The following PCOLCE2 variants were observed in gnomAD, a reference collection of about 807,000 sequenced individuals.
PCOLCE2 encodes the protein procollagen C-proteinase enhancer 2.
Under a neutral mutation model 47.0 loss-of-function variants are expected in PCOLCE2, and 42 were observed. That is an observed-to-expected ratio of 0.89 (90% CI 0.70 to 1.16). PCOLCE2 has a LOEUF of 1.16. Ranked by LOEUF, PCOLCE2 falls within the 50% of genes most tolerant of loss-of-function variation. The pLI, the probability that PCOLCE2 is intolerant of heterozygous loss-of-function variation, is 0.00. For missense variants in PCOLCE2, 500 were observed against 526.1 expected (o/e 0.95, Z 0.49); for synonymous variants, 169 against 191.7 (o/e 0.88, Z 0.98).
intron 2 of PCOLCE2, among the ~76,000 whole-genome samples, chr3:142,880,100 A>G (rs1057145116): frequency 1.3e-5 from 2 of 150,920 alleles, no homozygotes; most frequent in African/African-American, 4.9e-5. Context: ...ATAGCCTTGG[A>G]TATGCAAACA....
At position 142,886,365 on chromosome 3, in the gene PCOLCE2, T is replaced by C. The variant is rs11929302; in HGVS notation, c.192+1304A>G. Among the ~76,000 whole-genome samples the C allele has an allele frequency of 5.1e-3, 766 of 150,174 alleles. 1 individual carries two copies. Among genetic ancestry groups the C allele is most frequent in the Non-Finnish European group, 8.5e-3 (580 of 68,032 alleles). ...GGGTCGTTTAAAACTTATGGCCATT[T>C]AATTACATTTAAAACACAATCACGA... On this transcript the variant is annotated intron_variant, in intron 2 of 8. Transcript: ENST00000295992.
intron 1 of PCOLCE2, chr3:142,888,539 G>C (rs1578055401): frequency 1.1e-5 from 4 of 377,686 alleles, no homozygotes; most frequent in Non-Finnish European, 9.5e-6. Context: ...ACACAAGTCA[G>C]ATTAAGCCCC....
chr3:142,829,779 C>T lies in PCOLCE2; in HGVS notation c.778G>A (p.Gly260Arg). The T allele has an allele frequency of 6.2e-7, 1 of 1,607,180 alleles. No homozygotes were observed. Among genetic ancestry groups the T allele is most frequent in the Non-Finnish European group, 8.5e-7 (1 of 1,174,654 alleles). ...FLSDLSLTAD[G>R]FIGHYIFRPK... is the part of the protein sequence containing the mutation. Reference sequence around the variant, plus strand: ...CTGAATATGTAGTGACCAATAAACCCATCTGCAGTTAAACTTAAGTCTGAT... The same window carrying T: ...CTGAATATGTAGTGACCAATAAACCTATCTGCAGTTAAACTTAAGTCTGAT... The change falls in exon 6 of 9, where the codon GGG becomes AGG. Residue 260 changes from glycine (G) to arginine (R), a missense_variant. Coordinates refer to ENST00000295992, the MANE Select transcript of PCOLCE2 (RefSeq NM_013363.4).
At chr3:142,821,321 C>T (rs887279182) in intron 7 of PCOLCE2, among the ~76,000 whole-genome samples, 9 of 152,176 alleles carry the variant, frequency 5.9e-5, no homozygotes, top group South Asian at 2.1e-4. Context: ...CTCTTTAAAA[C>T]GTTTTATCCA....
At chr3:142,868,387 G>C (rs1045674732) in intron 2 of PCOLCE2, among the ~76,000 whole-genome samples, 1 of 152,134 alleles carries the variant, frequency 6.6e-6, no homozygotes, top group Admixed American at 6.5e-5. Flanking sequence ...TGATGGCAAG[G>C]GGTGTTAGAT....
At chr3:142,879,798 C>T (rs371824634) in intron 2 of PCOLCE2, among the ~76,000 whole-genome samples, 3,852 of 151,390 alleles carry the variant, frequency 0.025, 61 homozygotes, top group Non-Finnish European at 0.038. Context: ...TGAAACCCCG[C>T]CTCTACTAAA....
intron 2 of PCOLCE2, among the ~76,000 whole-genome samples, chr3:142,867,951 T>C (rs2108206605): frequency 6.6e-6 from 1 of 152,326 alleles, no homozygotes; most frequent in East Asian, 1.9e-4. Flanking sequence ...GTATCTGAGA[T>C]GTCTGAGAAA....
At chr3:142,857,126 T>A (rs753350382) in intron 2 of PCOLCE2, among the ~76,000 whole-genome samples, 3 of 152,238 alleles carry the variant, frequency 2.0e-5, no homozygotes, top group Non-Finnish European at 4.4e-5. Context: ...TGCTTCCTAC[T>A]GAACCAGCTG....
At chr3:142,853,670 T>C (rs1169285554) in intron 2 of PCOLCE2, among the ~76,000 whole-genome samples, 2 of 152,236 alleles carry the variant, frequency 1.3e-5, no homozygotes, top group African/African-American at 4.8e-5. Context: ...GGCCACTCTC[T>C]TTTCTAAGCC....
intron 6 of PCOLCE2, chr3:142,827,042 G>C (rs1185274956): frequency 1.5e-5 from 14 of 923,758 alleles, no homozygotes; most frequent in Non-Finnish European, 2.4e-5. Context: ...TCTATATATT[G>C]ATGACTCTTA....
At chr3:142,839,206 A>C (rs1220409812) in intron 4 of PCOLCE2, among the ~76,000 whole-genome samples, 2 of 152,196 alleles carry the variant, frequency 1.3e-5, no homozygotes, top group Non-Finnish European at 2.9e-5. Flanking sequence ...ACATTATGTA[A>C]CACTAGCAAC....
intron 5 of PCOLCE2, among the ~76,000 whole-genome samples, chr3:142,836,723 CT>C (rs201811119): frequency 8.7e-5 from 13 of 148,728 alleles, no homozygotes; most frequent in East Asian, 7.8e-4. Flanking sequence ...GAGTTTAAAA[CT>C]TTTTTTTTTA....
intron 2 of PCOLCE2, among the ~76,000 whole-genome samples, chr3:142,885,144 T>G (rs1933695732): frequency 6.6e-6 from 1 of 152,224 alleles, no homozygotes; most frequent in Non-Finnish European, 1.5e-5. Context: ...AGGATTCACC[T>G]TTCTTAAAGC....
intron 6 of PCOLCE2, chr3:142,827,646 G>A: frequency 6.8e-7 from 1 of 1,460,610 alleles, no homozygotes; most frequent in Non-Finnish European, 9.6e-7. Flanking sequence ...GCAATGAAAA[G>A]CTCCGTCCGC....
chr3:142,870,996 G>A (rs1248140243), intron 2 of PCOLCE2, among the ~76,000 whole-genome samples: 1 of 152,042 alleles, frequency 6.6e-6, no homozygotes, highest in Non-Finnish European at 1.5e-5. Flanking sequence ...CATCACCTGG[G>A]GTCTAATGTA....
intron 2 of PCOLCE2, among the ~76,000 whole-genome samples, chr3:142,861,993 A>T (rs925979406): frequency 6.6e-6 from 1 of 152,136 alleles, no homozygotes; most frequent in Non-Finnish European, 1.5e-5. Flanking sequence ...GGGTCTCACC[A>T]TTCTAGTACA....
At chr3:142,844,889 TA>T (rs1238939404) in intron 3 of PCOLCE2, among the ~76,000 whole-genome samples, 4 of 152,228 alleles carry the variant, frequency 2.6e-5, no homozygotes, top group African/African-American at 9.6e-5. Context: ...GTTTTAATTT[TA>T]ATGAAGTTTT....
chr3:142,818,492 T>C (rs1936976458), intron 8 of PCOLCE2, 27 bp from the exon 9 acceptor site: 1 of 1,568,116 alleles, frequency 6.4e-7, no homozygotes, highest in Non-Finnish European at 8.8e-7. Context: ...CAGAAATTAA[T>C]CTTTTTCTCT....
In PCOLCE2 at chr3:142,838,860, T is replaced by A; in HGVS notation, c.620A>T (p.Tyr207Phe). The A allele has an allele frequency of 6.2e-7, 1 of 1,612,908 alleles. No homozygotes were observed. ...CACAGCCACATAATCATATCGGCAG[T>A]AGTTATCTCGCTCCACATCAAACTT... ...FEKFDVERDN[Y>F]CRYDYVAVFN... Residue 207 changes from tyrosine to phenylalanine, a missense_variant, in exon 5 of 9, where the codon TAC (tyrosine) becomes TTC (phenylalanine). By Grantham distance (22) the Tyr-to-Phe change is conservative (BLOSUM62 3). Coordinates refer to ENST00000295992, the MANE Select transcript of PCOLCE2 (RefSeq NM_013363.4).
Sources: allele counts gnomAD v4.1 joint callset (sites outside exome capture counted in the v4.1 genomes callset), GRCh38; gene constraint gnomAD v4.1.1; transcripts MANE v1.5; gene names NCBI Gene and HGNC (gene_info 2026-07-23, HGNC 2026-07-21).